Variants in TMBIM4 observed in about 807,000 individuals in gnomAD.
TMBIM4 encodes the protein transmembrane BAX inhibitor motif containing 4.
TMBIM4 carries 28 observed loss-of-function variants against 27.7 expected under a neutral mutation model. The ratio of observed to expected loss-of-function variants is 1.01; its 90% CI spans 0.75 to 1.38. The LOEUF (loss-of-function observed/expected upper bound fraction) is 1.38. Among genes scored for constraint, TMBIM4 ranks in the 40% most tolerant of loss-of-function variants. The pLI, the probability that TMBIM4 is intolerant of heterozygous loss-of-function variation, is 0.00. For missense variants in TMBIM4, 265 were observed against 277.5 expected (o/e 0.95, Z 0.32); for synonymous variants, 115 against 113.1 (o/e 1.02, Z -0.11).
At chr12:66,169,522 A>T (rs954726550) in intron 1 of TMBIM4, 10 of 484,004 alleles carry the variant, frequency 2.1e-5, no homozygotes, top group Admixed American at 4.2e-5. Context: ...GTTTCTTTTC[A>T]CTTCAAGATG....
intron 1 of TMBIM4, chr12:66,169,263 ATAACT>A: frequency 1.4e-6 from 1 of 699,124 alleles, no homozygotes; most frequent in Non-Finnish European, 2.6e-6. Flanking sequence ...CTACTACGTA[ATAACT>A]TAAAACACAA....
intron 1 of TMBIM4, among the ~76,000 whole-genome samples, chr12:66,162,708 T>G (rs1342976687): frequency 6.6e-6 from 1 of 152,252 alleles, no homozygotes; most frequent in Non-Finnish European, 1.5e-5. Context: ...CAACCTTCTC[T>G]TTGTTCCTCA....
Position 66,137,996 on chromosome 12 carries a change from G to A in TMBIM4, c.681C>T (p.His227=), listed in dbSNP as rs1489513144. The A allele has an allele frequency of 1.2e-6, 2 of 1,613,878 alleles. No individual in the cohort carries two copies. Among genetic ancestry groups the A allele is most frequent in the Non-Finnish European group, 1.7e-6 (2 of 1,179,970 alleles). ...LYLDIINLFL[H]LLRFLEAVNK... ...TAACTGCTTCCAGAAACCGTAACAG[G>A]TGCAGGAATAGATTGATGATATCCA... The change falls in exon 7 of 7, where the codon CAC becomes CAT. Residue 227 remains histidine, a synonymous_variant. Transcript: ENST00000358230.
intron 1 of TMBIM4, among the ~76,000 whole-genome samples, chr12:66,168,514 G>T (rs955098261): frequency 2.0e-5 from 3 of 152,162 alleles, no homozygotes; most frequent in African/African-American, 7.2e-5. Context: ...CAGCCTAGGG[G>T]TTCTCGGTAT....
chr12:66,138,846 GA>G, intron 5 of TMBIM4, 77 bp from the exon 6 acceptor site: 2 of 1,361,690 alleles, frequency 1.5e-6, no homozygotes, highest in South Asian at 4.3e-5. Context: ...AACACTTTCT[GA>G]AAAAAACATC....
intron 1 of TMBIM4, among the ~76,000 whole-genome samples, chr12:66,158,686 C>T (rs1180618845): frequency 6.6e-6 from 1 of 151,756 alleles, no homozygotes; most frequent in African/African-American, 2.4e-5. Context: ...TTTTGAGAAG[C>T]TTAAGGAAGT....
intron 3 of TMBIM4, among the ~76,000 whole-genome samples, chr12:66,151,007 T>G (rs1035113731): frequency 1.3e-5 from 2 of 152,164 alleles, no homozygotes; most frequent in African/African-American, 2.4e-5. Flanking sequence ...TCTCAAGCTC[T>G]TACATCCTTA....
intron 1 of TMBIM4, 135 bp downstream of exon 1, chr12:66,169,720 A>T: frequency 1.6e-6 from 1 of 606,162 alleles, no homozygotes; most frequent in Non-Finnish European, 2.7e-6. Context: ...CCGGAGAAGG[A>T]GGGCCGGGAG....
chr12:66,145,661 T>G (rs1266746345), intron 5 of TMBIM4, among the ~76,000 whole-genome samples, 180 bp downstream of exon 5: 2 of 152,120 alleles, frequency 1.3e-5, no homozygotes, highest in African/African-American at 4.8e-5. Context: ...TCAAAGCCAC[T>G]TTCCATTTCT....
intron 5 of TMBIM4, among the ~76,000 whole-genome samples, chr12:66,141,969 A>G (rs1163705183): frequency 6.6e-6 from 1 of 152,178 alleles, no homozygotes; most frequent in Non-Finnish European, 1.5e-5. Flanking sequence ...TTATGAACCA[A>G]CTTTACCTAA....
chr12:66,147,823 C>T (rs1434169458), intron 4 of TMBIM4, 85 bp downstream of exon 4: 1 of 1,089,050 alleles, frequency 9.2e-7, no homozygotes, highest in African/African-American at 1.6e-5. Flanking sequence ...TGATGTTAAA[C>T]TTTAGCCCCA....
chr12:66,142,770 C>T (rs200888809), intron 5 of TMBIM4, among the ~76,000 whole-genome samples: 3 of 151,542 alleles, frequency 2.0e-5, no homozygotes, highest in Non-Finnish European at 4.4e-5. Flanking sequence ...TTCAGAAACA[C>T]GAGACCCATG....
intron 5 of TMBIM4, among the ~76,000 whole-genome samples, chr12:66,142,319 A>G (rs893472379): frequency 2.0e-5 from 3 of 151,288 alleles, no homozygotes; most frequent in Non-Finnish European, 4.4e-5. Flanking sequence ...TTGCTTTTTC[A>G]TTCTTAAAGC....
At chr12:66,162,898 T>C (rs1353129678) in intron 1 of TMBIM4, among the ~76,000 whole-genome samples, 1 of 152,250 alleles carries the variant, frequency 6.6e-6, no homozygotes, top group East Asian at 1.9e-4. Flanking sequence ...GCTGCTATCA[T>C]AGTTTGGCTA....
intron 1 of TMBIM4, among the ~76,000 whole-genome samples, chr12:66,162,205 T>C (rs1308325142): frequency 1.3e-5 from 2 of 151,846 alleles, no homozygotes; most frequent in African/African-American, 4.8e-5. Context: ...TAGATCTCTC[T>C]TGTCTGCAGT....
intron 1 of TMBIM4, among the ~76,000 whole-genome samples, chr12:66,156,840 TA>T (rs1368195244): frequency 1.3e-5 from 2 of 152,130 alleles, no homozygotes; most frequent in African/African-American, 2.4e-5. Flanking sequence ...TGGTTTATGG[TA>T]AGTCACAGTT....
intron 5 of TMBIM4, among the ~76,000 whole-genome samples, chr12:66,143,372 T>G (rs1327016344): frequency 6.6e-6 from 1 of 152,142 alleles, no homozygotes; most frequent in Admixed American, 6.6e-5. Context: ...AAAAAATAAC[T>G]TACAAACAGT....
chr12:66,145,590 T>A (rs1367384091), intron 5 of TMBIM4, among the ~76,000 whole-genome samples: 2 of 148,154 alleles, frequency 1.3e-5, no homozygotes, highest in African/African-American at 5.2e-5. Flanking sequence ...TTAAACTCTC[T>A]GGAAAGCTTA....
Position 66,158,594 on chromosome 12 carries a change from G to A in TMBIM4, c.98-5146C>T, listed in dbSNP as rs150220955. ...GAGGGAGTCAGAGCTTGCAGTGAGC[G>A]GAGATCACACCACTGCACTGCAGCC... On this transcript the variant is annotated intron_variant, in intron 1 of 6. Transcript: ENST00000358230. Among the ~76,000 whole-genome samples, 45 of 151,430 alleles carry A rather than the reference G, an allele frequency of 3.0e-4. No individual in the cohort carries two copies. In the East Asian group the frequency reaches 5.1e-3, roughly 17 times the overall value.
Sources: gnomAD v4.1 joint callset for allele counts (sites outside exome capture counted in the v4.1 genomes callset) on GRCh38, gnomAD v4.1.1 for gene constraint, MANE v1.5 for transcripts, NCBI Gene and HGNC (gene_info 2026-07-23, HGNC 2026-07-21) for gene names.